DYNC2H1: variants seen among roughly 807,000 people sequenced by gnomAD.
The protein encoded by DYNC2H1 is cytoplasmic dynein 2 heavy chain 1.
Under a neutral mutation model 570.0 loss-of-function variants are expected in DYNC2H1, and 410 were observed. That is an observed-to-expected ratio of 0.72 (90% CI 0.66 to 0.78). The LOEUF is 0.78. DYNC2H1 is among the 30% of genes least tolerant of loss of function. The pLI is 0.00. For synonymous variants in DYNC2H1, 1,688 were observed against 1,677.6 expected, an observed-to-expected ratio of 1.01 and a Z score of -0.15; for missense variants, 4,865 against 5,046.4, an observed-to-expected ratio of 0.96 and a Z score of 1.09.
chr11:103,164,659 G>A (rs1861226393), intron 30 of DYNC2H1, among the ~76,000 whole-genome samples: 2 of 152,206 alleles, frequency 1.3e-5, no homozygotes, highest in South Asian at 4.1e-4. Flanking sequence ...AAGTACCTAC[G>A]TTATCAAGTC....
intron 28 of DYNC2H1, among the ~76,000 whole-genome samples, chr11:103,159,806 G>A (rs551507895): frequency 8.1e-4 from 123 of 152,084 alleles, no homozygotes; most frequent in African/African-American, 2.9e-3. Flanking sequence ...TAATAATCAA[G>A]GATCAGCAAA....
chr11:103,456,465 A>G (rs1216635307), intron 87 of DYNC2H1, 109 bp downstream of exon 87: 1 of 746,588 alleles, frequency 1.3e-6, no homozygotes. Context: ...TAAGATCAGT[A>G]GAGTTAGATT....
chr11:103,120,397 G>T, intron 6 of DYNC2H1, 50 bp from the exon 7 acceptor site: 1 of 1,463,418 alleles, frequency 6.8e-7, no homozygotes, highest in Non-Finnish European at 9.2e-7. Context: ...ACCTATTTAT[G>T]CAAATGGTTG....
At chr11:103,198,178 G>A in intron 48 of DYNC2H1, 115 bp downstream of exon 48, 4 of 1,213,650 alleles carry the variant, frequency 3.3e-6, no homozygotes, top group Non-Finnish European at 4.5e-6. Flanking sequence ...AGGCAAAGCT[G>A]GTTCTTATCT....
intron 85 of DYNC2H1, among the ~76,000 whole-genome samples, chr11:103,442,829 A>G (rs1053077030): frequency 2.6e-5 from 4 of 152,102 alleles, no homozygotes; most frequent in African/African-American, 7.2e-5. Context: ...CTCTTATGAC[A>G]AATTTGGTTT....
At chr11:103,329,505 G>A (rs148121421) in intron 82 of DYNC2H1, among the ~76,000 whole-genome samples, 14 of 152,224 alleles carry the variant, frequency 9.2e-5, no homozygotes, top group African/African-American at 3.1e-4. Flanking sequence ...TAGGAAGTTT[G>A]ACACTGACCA....
chr11:103,298,701 G>C (rs1866934384), intron 75 of DYNC2H1, among the ~76,000 whole-genome samples: 1 of 152,086 alleles, frequency 6.6e-6, no homozygotes, highest in Non-Finnish European at 1.5e-5. Context: ...CAAATTACCA[G>C]AGAACAACAG....
At chr11:103,438,708 T>C (rs1195694885) in intron 85 of DYNC2H1, among the ~76,000 whole-genome samples, 1 of 152,166 alleles carries the variant, frequency 6.6e-6, no homozygotes, top group Admixed American at 6.5e-5. Context: ...TATTCAGTCA[T>C]TCATTCAGTC....
chr11:103,336,414 C>T (rs1259663429), intron 82 of DYNC2H1, among the ~76,000 whole-genome samples: 1 of 152,060 alleles, frequency 6.6e-6, no homozygotes, highest in Non-Finnish European at 1.5e-5. Context: ...TATTTTTGTA[C>T]CCATTAACCA....
intron 82 of DYNC2H1, among the ~76,000 whole-genome samples, chr11:103,342,508 C>CTT (rs3076506): frequency 0.14 from 20,932 of 144,414 alleles, 1,694 homozygotes; most frequent in Admixed American, 0.24. Flanking sequence ...TCTGTGCCAC[C>CTT]TTTTTTTTTT....
chr11:103,211,707 A>G (rs1351198872), intron 53 of DYNC2H1, 82 bp from the exon 54 acceptor site: 6 of 582,348 alleles, frequency 1.0e-5, no homozygotes, highest in Non-Finnish European at 1.4e-5. Flanking sequence ...CTTGTATAAA[A>G]TAACTATCAT....
At chr11:103,317,947 T>C (rs1238941180) in intron 80 of DYNC2H1, among the ~76,000 whole-genome samples, 2 of 152,170 alleles carry the variant, frequency 1.3e-5, no homozygotes, top group Admixed American at 6.6e-5. Flanking sequence ...TAAAGTAAGA[T>C]CTTTGTCTCG....
rs1867220576 is a variant in DYNC2H1 at position 103,305,013 on chromosome 11, T to C, written c.11382+293T>C. Among the ~76,000 whole-genome samples, 1 of 152,158 alleles carries C rather than the reference T, an allele frequency of 6.6e-6. No individual in the cohort carries two copies. Among genetic ancestry groups the C allele is most frequent in the Non-Finnish European group, 1.5e-5 (1 of 68,024 alleles). On this transcript the variant is annotated intron_variant, in intron 77 of 88. Transcript: ENST00000375735. The surrounding 1 kb of genome is among the most constrained non-coding windows in gnomAD (Gnocchi z 4.3). ...ATACCATGAGTTTCTTTTTTTGCTC[T>C]TATTCTGTTGATCTGTATTGGGAGA...
chr11:103,185,218 C>T lies in DYNC2H1; in HGVS notation c.6633+167C>T, dbSNP rs997851945. Among the ~76,000 whole-genome samples the T allele has an allele frequency of 6.6e-5, 10 of 151,516 alleles. No homozygotes were observed. Among genetic ancestry groups the T allele is most frequent in the Non-Finnish European group, 1.5e-4 (10 of 67,798 alleles). On this transcript the variant is annotated intron_variant, in intron 41 of 88. Transcript: ENST00000375735. This position sits in a 1 kb window ranked among gnomAD's most constrained non-coding sequence, Gnocchi z 4.5. ...TTATGTATGTGTATTTATATTTTCT[C>T]CTTTGAGTTATTTTATGATGTTTGA... is the stretch of plus-strand genomic sequence containing the variant.
chr11:103,361,079 G>A (rs186816590), intron 83 of DYNC2H1, among the ~76,000 whole-genome samples: 32 of 152,298 alleles, frequency 2.1e-4, no homozygotes, highest in Admixed American at 2.0e-3. Flanking sequence ...CAGTGTGATT[G>A]GAGTATAGAG....
At position 103,120,682 on chromosome 11, in the gene DYNC2H1, T is replaced by C; in HGVS notation, c.1135-7T>C. On this transcript the variant is annotated splice_polypyrimidine_tract_variant and splice_region_variant and intron_variant, in intron 7 of 88. Coordinates refer to ENST00000375735, the MANE Select transcript of DYNC2H1 (RefSeq NM_001377.3). Reference sequence around the variant, plus strand: ...CTAAAGTCTAACAATGTTGTTAATGTATGTAGCCCTTGTGGAAAGCTGCGG... The same window carrying C: ...CTAAAGTCTAACAATGTTGTTAATGCATGTAGCCCTTGTGGAAAGCTGCGG... 6.2e-7 allele frequency: 1 copy of C among 1,610,556 alleles called. No homozygotes were observed. The highest frequency in any genetic ancestry group is 1.3e-5 in the African/African-American group (1 of 74,758).
rs923392944 is a variant in DYNC2H1, at chr11:103,215,848, T to G, written c.8822T>G (p.Val2941Gly). Residue 2941 changes from valine to glycine, a missense_variant, in exon 55 of 89, where the codon GTG (valine) becomes GGG (glycine). Coordinates refer to ENST00000375735, the MANE Select transcript of DYNC2H1 (RefSeq NM_001377.3). Reference protein sequence around the residue: ...EADAALQMITVSMQDASEQKT... With the variant: ...EADAALQMITGSMQDASEQKT... ...GATGCTGCCCTTCAAATGATCACAG[T>G]GTCAATGCAGGTAATGTTTAGAGTG... The G allele has an allele frequency of 3.1e-6, 5 of 1,612,618 alleles. No individual in the cohort carries two copies. Among genetic ancestry groups the G allele is most frequent in the African/African-American group, 1.3e-5 (1 of 74,892 alleles).
chr11:103,337,606 T>C (rs1365424893), intron 82 of DYNC2H1, among the ~76,000 whole-genome samples: 4 of 152,216 alleles, frequency 2.6e-5, no homozygotes, highest in African/African-American at 4.8e-5. Context: ...CTCACTGTGG[T>C]TTTGATTTCT....
At chr11:103,404,013 A>G (rs1290386443) in intron 84 of DYNC2H1, 3 of 151,976 alleles carry the variant, frequency 2.0e-5, no homozygotes, top group South Asian at 2.1e-4. Context: ...TGCTGTTAGT[A>G]TGAATTAATT....
Sources: gnomAD v4.1 joint callset for allele counts (sites outside exome capture counted in the v4.1 genomes callset) on GRCh38, gnomAD v4.1.1 for gene constraint, Gnocchi (gnomAD v3.1) non-coding constraint, MANE v1.5 for transcripts, NCBI Gene and HGNC (gene_info 2026-07-23, HGNC 2026-07-21) for gene names.